The following SLC22A3 variants were observed in gnomAD, a reference collection of about 807,000 sequenced individuals.
SLC22A3 encodes solute carrier family 22 member 3, also known as EMT organic cation transporter 3.
A neutral mutation model predicts 59.1 loss-of-function variants in SLC22A3; 51 were observed. The ratio of observed to expected loss-of-function variants is 0.86; its 90% CI spans 0.69 to 1.09. The LOEUF (loss-of-function observed/expected upper bound fraction) is 1.09. SLC22A3 is among the 50% of genes least tolerant of loss of function. The probability of loss-of-function intolerance (pLI) is 0.00; values close to 1 mark genes in which losing one functional copy is unlikely to be tolerated. For synonymous variants in SLC22A3, 325 were observed against 292.0 expected (o/e 1.11, Z -1.15); for missense variants, 711 against 726.3 (o/e 0.98, Z 0.24).
intron 5 of SLC22A3, among the ~76,000 whole-genome samples, chr6:160,428,571 G>A (rs957408448): frequency 2.6e-5 from 4 of 152,196 alleles, no homozygotes; most frequent in Non-Finnish European, 5.9e-5. Flanking sequence ...ACCTTGAAAT[G>A]ATCATGTTTT....
Position 160,369,653 on chromosome 6 carries a change from C to T in SLC22A3, c.429+20805C>T, listed in dbSNP as rs2661838. On this transcript the variant is annotated intron_variant, in intron 1 of 10. Coordinates refer to ENST00000275300, the MANE Select transcript of SLC22A3 (RefSeq NM_021977.4). ...AAAGAAAAGTCTAACAAATATAACA[C>T]ATGTACCCACCTCCCCAAATGAAAA... is the stretch of plus-strand genomic sequence containing the variant. Among the ~76,000 whole-genome samples the T allele has an allele frequency of 9.9e-3, 1,505 of 152,282 alleles. 22 individuals are homozygous for T. Among genetic ancestry groups the T allele is most frequent in the East Asian group, 0.062 (321 of 5,180 alleles).
At chr6:160,442,938 TA>T in intron 8 of SLC22A3, 69 bp downstream of exon 8, 3 of 1,242,224 alleles carry the variant, frequency 2.4e-6, no homozygotes, top group Non-Finnish European at 3.5e-6. Flanking sequence ...TTGATTTAGT[TA>T]AAAACTATGA....
At chr6:160,447,579 C>A (rs1788792035) in intron 9 of SLC22A3, 140 bp from the exon 10 acceptor site, 1 of 737,596 alleles carries the variant, frequency 1.4e-6, no homozygotes, top group East Asian at 2.6e-5. Flanking sequence ...AGAGCTGGGG[C>A]ATTGATCTGG....
chr6:160,385,453 G>C (rs1409425260), intron 1 of SLC22A3, among the ~76,000 whole-genome samples: 1 of 152,210 alleles, frequency 6.6e-6, no homozygotes, highest in Non-Finnish European at 1.5e-5. Flanking sequence ...ACTTTTCCTT[G>C]TGAGAGTTTG....
intron 1 of SLC22A3, among the ~76,000 whole-genome samples, chr6:160,379,619 G>T (rs1411200090): frequency 6.6e-6 from 1 of 152,100 alleles, no homozygotes; most frequent in Non-Finnish European, 1.5e-5. Context: ...GCCCATTTTT[G>T]GCTAATTGTT....
At chr6:160,441,602 T>C (rs1178742801) in intron 7 of SLC22A3, among the ~76,000 whole-genome samples, 1 of 118,306 alleles carries the variant, frequency 8.5e-6, no homozygotes, top group Non-Finnish European at 1.6e-5. Flanking sequence ...TTTAATGAAT[T>C]TTAGCTTTTT....
At position 160,452,103 on chromosome 6, in the gene SLC22A3, T is replaced by C. The variant is rs1583527691; in HGVS notation, c.*1047T>C. The C allele has an allele frequency of 6.6e-6, 1 of 152,242 alleles. No homozygotes were observed. The highest frequency in any genetic ancestry group is 2.1e-4 in the South Asian group (1 of 4,834). 9.4% of individuals were successfully genotyped at this position (152,242 alleles called of 1,614,324 possible). A position where few individuals can be genotyped will look rare whatever the true frequency, so the allele number is the denominator to read the frequency against. On this transcript the variant is annotated 3_prime_UTR_variant, in exon 11 of 11. Transcript: ENST00000275300. ...TTATAAATGACTTTACAGAGACTAA[T>C]AAGGGATTTGATCTTTCTTTTTTTG... is the stretch of plus-strand genomic sequence containing the variant.
At chr6:160,382,290 G>C (rs1876530) in intron 1 of SLC22A3, among the ~76,000 whole-genome samples, 1 of 152,184 alleles carries the variant, frequency 6.6e-6, no homozygotes, top group African/African-American at 2.4e-5. Context: ...AGGAGGGCAA[G>C]TTTCCCTAGA....
At chr6:160,441,172 G>A (rs1247049366) in intron 7 of SLC22A3, among the ~76,000 whole-genome samples, 4 of 152,094 alleles carry the variant, frequency 2.6e-5, no homozygotes, top group Admixed American at 6.6e-5. Flanking sequence ...ACTGCAGCCC[G>A]GGAGTGGCAG....
intron 1 of SLC22A3, among the ~76,000 whole-genome samples, chr6:160,391,536 C>T (rs893253853): frequency 7.2e-5 from 11 of 152,174 alleles, no homozygotes; most frequent in African/African-American, 2.2e-4. Context: ...GTTGGAAAAT[C>T]GCCAGAGGAC....
At chr6:160,429,546 A>C (rs747983436) in intron 5 of SLC22A3, among the ~76,000 whole-genome samples, 4 of 152,116 alleles carry the variant, frequency 2.6e-5, no homozygotes, top group Non-Finnish European at 5.9e-5. Context: ...TGAGCCGATG[A>C]GGTGGGATTG....
At position 160,446,493 on chromosome 6, in the gene SLC22A3, C is replaced by G. The variant is rs1177121543; in HGVS notation, c.1511-1226C>G. On this transcript the variant is annotated intron_variant, in intron 9 of 10. Transcript: ENST00000275300. ...GAAGCAGGCACGTCCTACATGGTGG[C>G]AGGTAAGAGAAGAGCAAGGAAAATT... 3.9e-5 allele frequency among the ~76,000 whole-genome samples: 6 copies of G among 152,264 alleles called. No homozygotes were observed. In the East Asian group the frequency reaches 1.2e-3, roughly 29 times the overall value.
intron 1 of SLC22A3, among the ~76,000 whole-genome samples, chr6:160,393,467 G>A (rs1317467121): frequency 1.6e-5 from 2 of 126,782 alleles, no homozygotes; most frequent in Admixed American, 2.1e-4. Context: ...AGTCCCCAGT[G>A]TGTGATGTTC....
rs1185645896 is a variant in SLC22A3, at chr6:160,436,840, C to T, written c.1036C>T (p.Gln346Ter). Reference sequence around the variant, plus strand: ...CTTTTTAGATCTGGTGAGAACTCCCCAAATGAGGAAATGCACACTTATTCT... The same window carrying T: ...CTTTTTAGATCTGGTGAGAACTCCCTAAATGAGGAAATGCACACTTATTCT... ...PSFLDLVRTP[Q>*]MRKCTLILMF... The change falls in exon 6 of 11, where the codon CAA becomes TAA. Residue 346 changes from glutamine (Q) to a stop codon, truncating the protein, a stop_gained. Transcript: ENST00000275300. LOFTEE classifies it high-confidence loss of function. 2 of 1,613,794 alleles carry T rather than the reference C, an allele frequency of 1.2e-6. No homozygotes were observed. Among genetic ancestry groups the T allele is most frequent in the African/African-American group, 1.3e-5 (1 of 74,968 alleles).
intron 1 of SLC22A3, among the ~76,000 whole-genome samples, chr6:160,372,265 G>T (rs1006818006): frequency 6.6e-6 from 1 of 152,090 alleles, no homozygotes; most frequent in African/African-American, 2.4e-5. Flanking sequence ...TTGGTTTAAA[G>T]TCTGTTATAT....
At chr6:160,355,007 T>C (rs1364002304) in intron 1 of SLC22A3, among the ~76,000 whole-genome samples, 1 of 152,160 alleles carries the variant, frequency 6.6e-6, no homozygotes, top group Non-Finnish European at 1.5e-5. Context: ...GTGGAACTCT[T>C]ACACGGAAGG....
chr6:160,369,664 C>T, intron 1 of SLC22A3, among the ~76,000 whole-genome samples: 1 of 152,092 alleles, frequency 6.6e-6, no homozygotes, highest in East Asian at 1.9e-4. Context: ...ATGTACCCAC[C>T]TCCCCAAATG....
intron 1 of SLC22A3, among the ~76,000 whole-genome samples, chr6:160,385,586 C>T (rs1014426996): frequency 2.6e-5 from 4 of 152,214 alleles, no homozygotes; most frequent in African/African-American, 4.8e-5. Context: ...GCACCCAGGA[C>T]CAAGCTTCCT....
intron 3 of SLC22A3, among the ~76,000 whole-genome samples, chr6:160,407,731 G>A (rs1237946863): frequency 6.6e-6 from 1 of 152,136 alleles, no homozygotes; most frequent in Non-Finnish European, 1.5e-5. Context: ...TCTGGTGATG[G>A]AAGAAAGAAA....
Sources: gnomAD v4.1 joint callset for allele counts (sites outside exome capture counted in the v4.1 genomes callset) on GRCh38, gnomAD v4.1.1 for gene constraint, MANE v1.5 for transcripts, NCBI Gene and HGNC (gene_info 2026-07-23, HGNC 2026-07-21) for gene names.